Variants in DHX36 observed in about 807,000 individuals in gnomAD.
The protein encoded by DHX36 is DEAH-box helicase 36, also known as ATP-dependent DNA/RNA helicase DHX36.
DHX36 carries 50 observed loss-of-function variants against 139.0 expected under a neutral mutation model. The ratio of observed to expected loss-of-function variants is 0.36; its 90% CI spans 0.29 to 0.46. The LOEUF is 0.46. Ranked by LOEUF, DHX36 falls within the 20% of genes least tolerant of loss-of-function variation. The pLI, the probability that DHX36 is intolerant of heterozygous loss-of-function variation, is 1.00. For missense variants in DHX36, 1,024 were observed against 1,211.3 expected (o/e 0.85, Z 2.29); for synonymous variants, 425 against 401.9 (o/e 1.06, Z -0.69).
Position 154,319,537 on chromosome 3 carries a change from A to G in DHX36, c.244-3374T>C, listed in dbSNP as rs557141758. 2.0e-5 allele frequency among the ~76,000 whole-genome samples: 3 copies of G among 152,146 alleles called. No homozygotes were observed. The South Asian group carries it at 6.2e-4, about 32-fold the overall frequency. On this transcript the variant is annotated intron_variant, in intron 1 of 24. Coordinates refer to ENST00000496811, the MANE Select transcript of DHX36 (RefSeq NM_020865.3). ...ATCCTTTTCTCTTTTCTTTCTTGTT[A>G]TAAAAGAAGTGCATTTTAAAGGCTA...
chr3:154,321,012 C>A (rs926866181), intron 1 of DHX36, among the ~76,000 whole-genome samples: 1 of 152,132 alleles, frequency 6.6e-6, no homozygotes, highest in African/African-American at 2.4e-5. Context: ...ATTTTTCTAG[C>A]CCAGAGATTT....
chr3:154,294,762 A>G (rs1711964710), intron 13 of DHX36, among the ~76,000 whole-genome samples: 1 of 152,242 alleles, frequency 6.6e-6, no homozygotes, highest in South Asian at 2.1e-4. Context: ...GAGCCTGCAA[A>G]TACTGTAGAT....
chr3:154,280,959 T>TGGG, intron 20 of DHX36, 97 bp from the exon 21 acceptor site: 1 of 895,638 alleles, frequency 1.1e-6, no homozygotes, highest in Non-Finnish European at 1.7e-6. Flanking sequence ...AAGCTATCCC[T>TGGG]GCTTTATGAA....
Position 154,306,270 on chromosome 3 carries a change from C to T in DHX36, c.839G>A (p.Arg280Lys), listed in dbSNP as rs751242466. The change falls in exon 6 of 25, where the codon AGG (arginine) becomes AAG (lysine). Residue 280 changes from arginine to lysine, a missense_variant. This residue lies in a region of DHX36 where 146 missense variants were observed against 215.0 expected (regional missense o/e 0.68). Coordinates refer to ENST00000496811, the MANE Select transcript of DHX36 (RefSeq NM_020865.3). ...ATTACCACTGCCACAAGATTCTGCC[C>T]TTTCTGCAGCTACTCTTTCCGCAAC... ...ISVAERVAAE[R>K]AESCGSGNST... The T allele has an allele frequency of 6.2e-7, 1 of 1,613,650 alleles. No homozygotes were observed. The highest frequency in any genetic ancestry group is 8.5e-7 in the Non-Finnish European group (1 of 1,179,834).
At chr3:154,292,743 A>G in intron 14 of DHX36, 49 bp from the exon 15 acceptor site, 1 of 1,590,242 alleles carries the variant, frequency 6.3e-7, no homozygotes. Flanking sequence ...ACACACACAC[A>G]CACACACACA....
intron 6 of DHX36, 44 bp from the exon 7 acceptor site, chr3:154,305,212 C>T (rs757983844): frequency 6.6e-7 from 1 of 1,512,948 alleles, no homozygotes; most frequent in South Asian, 1.2e-5. Context: ...GTTTTCTCTT[C>T]TAATAATTAA....
At chr3:154,320,066 T>C (rs747510024) in intron 1 of DHX36, among the ~76,000 whole-genome samples, 3 of 152,226 alleles carry the variant, frequency 2.0e-5, no homozygotes, top group Non-Finnish European at 4.4e-5. Flanking sequence ...ACGACCTTGT[T>C]GATAAATCCA....
chr3:154,296,756 A>G (rs1305571297), intron 12 of DHX36, among the ~76,000 whole-genome samples: 1 of 152,200 alleles, frequency 6.6e-6, no homozygotes, highest in African/African-American at 2.4e-5. Context: ...CTTCCCCAGA[A>G]AAGAACTGTT....
intron 24 of DHX36, 145 bp from the exon 25 acceptor site, chr3:154,276,501 G>T: frequency 1.2e-6 from 1 of 823,028 alleles, no homozygotes; most frequent in Non-Finnish European, 1.9e-6. Flanking sequence ...CAACTAAAGT[G>T]TGGTTATGAG....
chr3:154,276,170 G>T lies in DHX36; in HGVS notation c.*1C>A, dbSNP rs1719142083. ...CTTTTCAGACCACCCCTGAAAAGCT[G>T]TCAGCTGTAATATCCATCCTGGAAT... On this transcript the variant is annotated 3_prime_UTR_variant, in exon 25 of 25. Transcript: ENST00000496811. 1 of 1,606,068 alleles carries T rather than the reference G, an allele frequency of 6.2e-7. No homozygotes were observed. Among genetic ancestry groups the T allele is most frequent in the East Asian group, 2.2e-5 (1 of 44,646 alleles).
At chr3:154,276,475 A>C in intron 24 of DHX36, 119 bp from the exon 25 acceptor site, 1 of 976,004 alleles carries the variant, frequency 1.0e-6, no homozygotes, top group Non-Finnish European at 1.5e-6. Context: ...AAAAGCTAAA[A>C]CATTTAGTGA....
chr3:154,300,543 C>G, intron 11 of DHX36, 51 bp downstream of exon 11: 1 of 1,421,380 alleles, frequency 7.0e-7, no homozygotes. Context: ...GGCCTTGATA[C>G]GTTAATAAAA....
At position 154,300,662 on chromosome 3, in the gene DHX36, T is replaced by C. The variant is rs201400534; in HGVS notation, c.1393A>G (p.Met465Val). The change falls in exon 11 of 25, where the codon ATG becomes GTG. Residue 465 changes from methionine (M) to valine (V), a missense_variant. Physicochemically the swap from Met to Val is conservative, Grantham distance 21 (BLOSUM62 1). Transcript: ENST00000496811. ...SASTVDVIEM[M>V]EDDKVDLNLI... ...TTCAGATCAACTTTATCATCCTCCA[T>C]CATTTCTATAACATCTACAGTACTT... 2.4e-5 allele frequency: 38 copies of C among 1,613,774 alleles called. No homozygotes were observed. In the Admixed American group the frequency reaches 5.0e-4, roughly 21 times the overall value.
intron 12 of DHX36, 200 bp downstream of exon 12, chr3:154,299,638 C>A: frequency 5.3e-6 from 3 of 564,302 alleles, no homozygotes; most frequent in Non-Finnish European, 9.6e-6. Flanking sequence ...ACCTCACATA[C>A]CTATGCTTTA....
chr3:154,283,145 A>C (rs1719381430), intron 20 of DHX36, 43 bp downstream of exon 20: 1 of 1,430,028 alleles, frequency 7.0e-7, no homozygotes, highest in African/African-American at 1.4e-5. Context: ...TATATTCTCT[A>C]ATCTAGCATA....
At chr3:154,304,427 T>C (rs1469237040) in intron 8 of DHX36, among the ~76,000 whole-genome samples, 1 of 152,200 alleles carries the variant, frequency 6.6e-6, no homozygotes, top group East Asian at 1.9e-4. Flanking sequence ...ATATACTACC[T>C]GGAACATTGA....
At chr3:154,288,147 CAAAAAAAAAAAAA>C (rs34632439) in intron 17 of DHX36, among the ~76,000 whole-genome samples, 1 of 53,348 alleles carries the variant, frequency 1.9e-5, no homozygotes, top group Non-Finnish European at 3.3e-5. Context: ...GACTCTGTCT[CAAAAAAAAAAAAA>C]AAAAAAAAAG....
chr3:154,281,031 A>G (rs1027036343), intron 20 of DHX36, among the ~76,000 whole-genome samples, 169 bp from the exon 21 acceptor site: 2 of 152,168 alleles, frequency 1.3e-5, no homozygotes, highest in African/African-American at 4.8e-5. Context: ...GTTTTTGTCA[A>G]TAACATTTTA....
chr3:154,286,508 A>AT (rs1271171088), intron 17 of DHX36, among the ~76,000 whole-genome samples: 2 of 151,032 alleles, frequency 1.3e-5, no homozygotes, highest in Admixed American at 6.6e-5. Context: ...AATACCACTA[A>AT]CCTAGAAGAT....
Sources: gnomAD v4.1 joint callset for allele counts (sites outside exome capture counted in the v4.1 genomes callset) on GRCh38, gnomAD v4.1.1 for gene constraint, gnomAD v4.1.1 regional missense constraint, MANE v1.5 for transcripts, NCBI Gene and HGNC (gene_info 2026-07-23, HGNC 2026-07-21) for gene names.